BCAP29: variants seen among roughly 807,000 people sequenced by gnomAD.
The protein encoded by BCAP29 is B-cell receptor-associated protein 29.
In BCAP29, 34 loss-of-function variants were observed where a neutral mutation model predicts 31.8. That is an observed-to-expected ratio of 1.07 (90% confidence interval 0.81 to 1.42). The LOEUF (loss-of-function observed/expected upper bound fraction) is 1.42, where lower values mean the gene tolerates loss of function less well. Among genes scored for constraint, BCAP29 ranks in the 40% most tolerant of loss-of-function variants. The pLI, the probability that BCAP29 is intolerant of heterozygous loss-of-function variation, is 0.00. For missense variants in BCAP29, 314 were observed against 269.2 expected (o/e 1.17, Z -1.16); for synonymous variants, 104 against 91.3 (o/e 1.14, Z -0.79).
intron 4 of BCAP29, among the ~76,000 whole-genome samples, chr7:107,594,942 C>A (rs929037212): frequency 6.6e-6 from 1 of 152,234 alleles, no homozygotes; most frequent in Non-Finnish European, 1.5e-5. Flanking sequence ...AGCCTTGTCT[C>A]ATACGTGTCT....
Position 107,618,787 on chromosome 7 carries a change from T to C in BCAP29, c.*424T>C. On this transcript the variant is annotated 3_prime_UTR_variant, in exon 8 of 8. Coordinates refer to ENST00000005259, the MANE Select transcript of BCAP29 (RefSeq NM_018844.4). ...TGATGTGTTTGAAAATAGTGTTCAATATCAGCAAATTTGTACACAGGGAAT... is the reference window on the plus strand; with the variant it reads ...TGATGTGTTTGAAAATAGTGTTCAACATCAGCAAATTTGTACACAGGGAAT... The C allele has an allele frequency of 2.2e-6, 1 of 458,096 alleles. No individual in the cohort carries two copies. Among genetic ancestry groups the C allele is most frequent in the East Asian group, 3.4e-5 (1 of 29,388 alleles). The allele number at this position is 458,096 out of a possible 1,614,324, so 28.4% of individuals were successfully genotyped here. A position where few individuals can be genotyped will look rare whatever the true frequency, so the allele number is the denominator to read the frequency against.
At chr7:107,586,024 CT>C (rs909717416) in intron 3 of BCAP29, among the ~76,000 whole-genome samples, 35 of 151,802 alleles carry the variant, frequency 2.3e-4, no homozygotes, top group African/African-American at 8.5e-4. Context: ...ACTCGCTTGA[CT>C]AAAAAAGGAA....
intron 3 of BCAP29, among the ~76,000 whole-genome samples, chr7:107,584,378 G>C (rs986726331): frequency 2.0e-5 from 3 of 152,164 alleles, no homozygotes; most frequent in African/African-American, 7.2e-5. Context: ...CTCTCCAAAG[G>C]AGTCTTAGAT....
At position 107,583,925 on chromosome 7, in the gene BCAP29, A is replaced by G. The variant is rs1180513498; in HGVS notation, c.136A>G (p.Thr46Ala). ...FSFNVWGKIA[T>A]FWNKAFLTII... ...ATTTAATGTCTGGGGTAAAATTGCA[A>G]CTTTTTGGAACAAGGCTTTCCTTAC... The change falls in exon 3 of 8, where the codon ACT becomes GCT. Residue 46 changes from threonine to alanine, a missense_variant. By Grantham distance (58) the Thr-to-Ala change is moderately conservative. Coordinates refer to ENST00000005259, the MANE Select transcript of BCAP29 (RefSeq NM_018844.4). 2 of 1,588,852 alleles carry G rather than the reference A, an allele frequency of 1.3e-6. No individual in the cohort carries two copies. The highest frequency in any genetic ancestry group is 8.6e-7 in the Non-Finnish European group (1 of 1,166,960).
At chr7:107,623,212 A>G (rs1276034522), downstream of BCAP29, 2 of 152,188 alleles carry the variant, frequency 1.3e-5, no homozygotes, top group African/African-American at 2.4e-5. Flanking sequence ...TCAACATCCT[A>G]GACATAATAA....
At chr7:107,603,690 C>A (rs947039764) in intron 6 of BCAP29, among the ~76,000 whole-genome samples, 1 of 149,636 alleles carries the variant, frequency 6.7e-6, no homozygotes, top group African/African-American at 2.5e-5. Context: ...ACTGCAACCT[C>A]GAACTCCTGG....
chr7:107,595,053 C>G (rs1428056576), intron 4 of BCAP29, among the ~76,000 whole-genome samples: 1 of 152,174 alleles, frequency 6.6e-6, no homozygotes, highest in African/African-American at 2.4e-5. Context: ...GTACCTAACT[C>G]TTTCCCATTT....
chr7:107,587,019 C>G (rs1048713251), intron 3 of BCAP29, among the ~76,000 whole-genome samples: 2 of 152,182 alleles, frequency 1.3e-5, no homozygotes, highest in Non-Finnish European at 2.9e-5. Context: ...GCATGAGCCA[C>G]TGCACCCAGC....
Position 107,583,922 on chromosome 7 carries a change from G to A in BCAP29, c.133G>A (p.Ala45Thr). The A allele has an allele frequency of 6.3e-7, 1 of 1,586,908 alleles. No homozygotes were observed. The highest frequency in any genetic ancestry group is 8.6e-7 in the Non-Finnish European group (1 of 1,165,856). Residue 45 changes from alanine (A) to threonine (T), a missense_variant, in exon 3 of 8, where the codon GCA (alanine) becomes ACA (threonine). Physicochemically the swap from Ala to Thr is moderately conservative, Grantham distance 58. Coordinates refer to ENST00000005259, the MANE Select transcript of BCAP29 (RefSeq NM_018844.4). Reference protein sequence around the residue: ...IFSFNVWGKIATFWNKAFLTI... With the variant: ...IFSFNVWGKITTFWNKAFLTI... ...TTCATTTAATGTCTGGGGTAAAATT[G>A]CAACTTTTTGGAACAAGGCTTTCCT...
At chr7:107,588,738 A>G (rs2129221736) in intron 3 of BCAP29, among the ~76,000 whole-genome samples, 1 of 152,344 alleles carries the variant, frequency 6.6e-6, no homozygotes, top group East Asian at 1.9e-4. Context: ...GTCAGAGGTC[A>G]GATAGATTCA....
At chr7:107,599,203 A>ATAATT (rs1810512671) in intron 5 of BCAP29, among the ~76,000 whole-genome samples, 3 of 23,260 alleles carry the variant, frequency 1.3e-4, no homozygotes, top group African/African-American at 2.1e-4. Context: ...ATAAATACAT[A>ATAATT]TTTATAAATA....
At chr7:107,617,982 C>G (rs1408873472) in intron 7 of BCAP29, among the ~76,000 whole-genome samples, 1 of 152,116 alleles carries the variant, frequency 6.6e-6, no homozygotes, top group East Asian at 1.9e-4. Flanking sequence ...CAAAGCCACC[C>G]TAGCTGAGGT....
intron 6 of BCAP29, among the ~76,000 whole-genome samples, chr7:107,611,547 T>C (rs1348958375): frequency 6.6e-6 from 1 of 152,224 alleles, no homozygotes; most frequent in Non-Finnish European, 1.5e-5. Context: ...CTTAAACTTT[T>C]TTGCTGAGCT....
downstream of BCAP29, chr7:107,621,619 T>C (rs1322847289): frequency 8.9e-6 from 4 of 451,054 alleles, no homozygotes; most frequent in Non-Finnish European, 1.8e-5. Context: ...GCTACATCTA[T>C]GCTTATATAG....
chr7:107,592,815 A>G (rs73189576), intron 3 of BCAP29, among the ~76,000 whole-genome samples: 6,787 of 152,304 alleles, frequency 0.045, 179 homozygotes, highest in Middle Eastern at 0.071. Flanking sequence ...ATGCTAAGTG[A>G]AGGAAGCCAG....
chr7:107,613,396 A>G lies in BCAP29; in HGVS notation c.654A>G (p.Glu218=). Residue 218 remains glutamate, a synonymous_variant, in exon 7 of 8, where the codon GAA becomes GAG. Coordinates refer to ENST00000005259, the MANE Select transcript of BCAP29 (RefSeq NM_018844.4). The part of the protein sequence containing the change: ...MKMQSERLSK[E]YDQLLKEHSE... The stretch of plus-strand genomic sequence containing the variant: ...TGCAGTCAGAGAGACTTTCGAAAGA[A>G]TATGATCAACTCCTGAAAGAACACT... 3 of 1,613,104 alleles carry G rather than the reference A, an allele frequency of 1.9e-6. No homozygotes were observed. In the East Asian group the frequency reaches 6.7e-5, roughly 36 times the overall value.
chr7:107,613,328 C>G lies in BCAP29; in HGVS notation c.590-4C>G, dbSNP rs1026538463. The G allele has an allele frequency of 1.3e-6, 2 of 1,589,322 alleles. No homozygotes were observed. The highest frequency in any genetic ancestry group is 2.2e-5 in the South Asian group (2 of 89,468). On this transcript the variant is annotated splice_region_variant and splice_polypyrimidine_tract_variant and intron_variant, in intron 6 of 7. Transcript: ENST00000005259. Reference sequence around the variant, plus strand: ...TAAAAATAAAACTATTCGATATTTTCTAGCCCTTTCTAAGGCACAAAATGA... The same window carrying G: ...TAAAAATAAAACTATTCGATATTTTGTAGCCCTTTCTAAGGCACAAAATGA...
At chr7:107,614,801 G>A (rs1262595405) in intron 7 of BCAP29, among the ~76,000 whole-genome samples, 1 of 152,222 alleles carries the variant, frequency 6.6e-6, no homozygotes, top group Admixed American at 6.5e-5. Context: ...ATGGCCTGGA[G>A]CAGATAGGTA....
intron 3 of BCAP29, among the ~76,000 whole-genome samples, chr7:107,589,494 G>C (rs1345851299): frequency 6.6e-6 from 1 of 152,158 alleles, no homozygotes; most frequent in Non-Finnish European, 1.5e-5. Context: ...CCACTCCTAT[G>C]AGAATCTAAT....
Sources: gnomAD v4.1 joint callset for allele counts (sites outside exome capture counted in the v4.1 genomes callset) on GRCh38, gnomAD v4.1.1 for gene constraint, MANE v1.5 for transcripts, NCBI Gene and HGNC (gene_info 2026-07-23, HGNC 2026-07-21) for gene names.